Variants in SUGCT observed in about 807,000 individuals in gnomAD.
SUGCT encodes the protein succinyl-CoA:glutarate-CoA transferase, also known as succinyl-CoA:glutarate CoA-transferase.
SUGCT carries 41 observed loss-of-function variants against 55.0 expected under a neutral mutation model. That is an observed-to-expected ratio of 0.74 (90% CI 0.58 to 0.97). The LOEUF (loss-of-function observed/expected upper bound fraction) is 0.97, where lower values mean the gene tolerates loss of function less well. Among genes scored for constraint, SUGCT ranks in the 50% least tolerant of loss-of-function variants. SUGCT has a pLI of 0.00. For synonymous variants in SUGCT, 187 were observed against 200.4 expected (o/e 0.93, Z 0.56); for missense variants, 568 against 547.8 (o/e 1.04, Z -0.37).
intron 9 of SUGCT, among the ~76,000 whole-genome samples, chr7:40,369,944 A>T (rs1405673683): frequency 6.6e-6 from 1 of 152,020 alleles, no homozygotes; most frequent in Non-Finnish European, 1.5e-5. Flanking sequence ...GCTCGTGGGG[A>T]ATGGTGGTAT....
At chr7:40,274,754 A>T in intron 8 of SUGCT, 98 bp downstream of exon 8, 1 of 1,056,068 alleles carries the variant, frequency 9.5e-7, no homozygotes, top group South Asian at 1.4e-5. Flanking sequence ...CAAAAACAAT[A>T]CAAAAACCAA....
the SUGCT span, among the ~76,000 whole-genome samples, chr7:41,033,435 G>A: frequency 2.6e-5 from 4 of 152,162 alleles, no homozygotes; most frequent in South Asian, 8.3e-4. Flanking sequence ...CATCTGAGAC[G>A]ATTGCATACA....
In SUGCT at chr7:40,363,816, A is replaced by G. The variant is rs537698023; in HGVS notation, c.816+46961A>G. Reference sequence around the variant, plus strand: ...TGATTTGGGGTGGAGAGTTCTGTAGATGTCTATTAGGTCCGCTTGGTGCAG... The same window carrying G: ...TGATTTGGGGTGGAGAGTTCTGTAGGTGTCTATTAGGTCCGCTTGGTGCAG... On this transcript the variant is annotated intron_variant, in intron 9 of 13. Transcript: ENST00000335693. Among the ~76,000 whole-genome samples the G allele has an allele frequency of 1.2e-4, 18 of 152,202 alleles. 1 individual carries two copies. Among genetic ancestry groups the G allele is most frequent in the Admixed American group, 1.2e-3 (18 of 15,290 alleles).
At chr7:40,433,747 G>C (rs939802043) in intron 9 of SUGCT, among the ~76,000 whole-genome samples, 26 of 152,164 alleles carry the variant, frequency 1.7e-4, no homozygotes, top group African/African-American at 6.0e-4. Context: ...AATGTAATTG[G>C]GAAGAAGAAT....
chr7:40,446,071 G>A (rs1187933353), intron 9 of SUGCT, among the ~76,000 whole-genome samples: 2 of 152,040 alleles, frequency 1.3e-5, no homozygotes, highest in South Asian at 2.1e-4. Flanking sequence ...TCCTCCCAGG[G>A]CATGCCATCC....
intron 12 of SUGCT, among the ~76,000 whole-genome samples, chr7:40,579,009 G>A (rs544195931): frequency 6.6e-6 from 1 of 152,170 alleles, no homozygotes; most frequent in South Asian, 2.1e-4. Context: ...GCAATGTATT[G>A]AGTACCGTGC....
intron 9 of SUGCT, among the ~76,000 whole-genome samples, chr7:40,339,402 A>C (rs573511479): frequency 6.6e-6 from 1 of 152,172 alleles, no homozygotes; most frequent in Non-Finnish European, 1.5e-5. Flanking sequence ...ACCTGGTTCG[A>C]GCTTCCTGGC....
At chr7:40,499,639 A>C (rs192133309) in intron 12 of SUGCT, 1 of 152,468 alleles carries the variant, frequency 6.6e-6, no homozygotes, top group East Asian at 1.9e-4. Flanking sequence ...GAAAGTTCTG[A>C]GGAGTTTTTA....
chr7:40,726,862 CTG>C (rs755735689), intron 12 of SUGCT, among the ~76,000 whole-genome samples: 1 of 152,112 alleles, frequency 6.6e-6, no homozygotes, highest in Non-Finnish European at 1.5e-5. Context: ...AGCCAAAGGA[CTG>C]TGCACTAAGA....
the SUGCT span, among the ~76,000 whole-genome samples, chr7:40,907,647 A>G: frequency 6.6e-6 from 1 of 152,160 alleles, no homozygotes; most frequent in East Asian, 1.9e-4. Flanking sequence ...CTAATATCAC[A>G]TGGTTAGCAA....
chr7:40,765,466 G>GAAA (rs202039053), intron 13 of SUGCT, among the ~76,000 whole-genome samples: 8 of 137,380 alleles, frequency 5.8e-5, no homozygotes, highest in East Asian at 2.1e-4. Flanking sequence ...TGCCATTAAA[G>GAAA]AAAAAAAAAA....
chr7:40,479,118 A>G (rs1376011240), intron 11 of SUGCT, among the ~76,000 whole-genome samples: 1 of 151,844 alleles, frequency 6.6e-6, no homozygotes, highest in Non-Finnish European at 1.5e-5. Context: ...TTCTTTATCC[A>G]TTTATCCACT....
intron 9 of SUGCT, among the ~76,000 whole-genome samples, chr7:40,318,463 G>T (rs1392976437): frequency 6.6e-6 from 1 of 152,214 alleles, no homozygotes; most frequent in African/African-American, 2.4e-5. Flanking sequence ...TAGAGACAGA[G>T]TCTTGCTCTG....
chr7:40,139,611 T>G (rs75550634), intron 1 of SUGCT, among the ~76,000 whole-genome samples: 1 of 152,240 alleles, frequency 6.6e-6, no homozygotes, highest in Non-Finnish European at 1.5e-5. Flanking sequence ...TTTGAGTTGC[T>G]TACAAATTCT....
At chr7:40,204,660 C>G (rs375974977) in intron 6 of SUGCT, among the ~76,000 whole-genome samples, 20 of 151,944 alleles carry the variant, frequency 1.3e-4, no homozygotes, top group East Asian at 5.8e-4. Context: ...CACATTAACT[C>G]ATGCCTGTAA....
the SUGCT span, among the ~76,000 whole-genome samples, chr7:40,938,391 G>A: frequency 6.7e-6 from 1 of 149,380 alleles, no homozygotes; most frequent in Non-Finnish European, 1.5e-5. Context: ...TTATTTTTTT[G>A]AGTTGTTGTC....
At chr7:40,498,769 C>T (rs1413486718) in intron 12 of SUGCT, among the ~76,000 whole-genome samples, 2 of 152,104 alleles carry the variant, frequency 1.3e-5, no homozygotes, top group East Asian at 1.9e-4. Context: ...TATGATGGTG[C>T]CCTTTAAGGT....
the SUGCT span, among the ~76,000 whole-genome samples, chr7:40,932,656 T>A: frequency 6.6e-6 from 1 of 152,222 alleles, no homozygotes; most frequent in African/African-American, 2.4e-5. Flanking sequence ...TCTTGTTGCA[T>A]TGATCCCTTT....
chr7:40,402,136 C>A (rs1302005230), intron 9 of SUGCT, among the ~76,000 whole-genome samples: 2 of 151,560 alleles, frequency 1.3e-5, no homozygotes, highest in African/African-American at 2.4e-5. Context: ...TATTTTTATC[C>A]CTTTTTTTTT....
Sources: gnomAD v4.1 joint callset for allele counts (sites outside exome capture counted in the v4.1 genomes callset) on GRCh38, gnomAD v4.1.1 for gene constraint, MANE v1.5 for transcripts, NCBI Gene and HGNC (gene_info 2026-07-23, HGNC 2026-07-21) for gene names.